SEL1L3: variants seen among roughly 807,000 people sequenced by gnomAD.
SEL1L3 encodes protein sel-1 homolog 3.
In SEL1L3, 76 loss-of-function variants were observed where a neutral mutation model predicts 142.8. The observed-to-expected ratio is 0.53, with a 90% confidence interval of 0.44 to 0.64. The LOEUF (loss-of-function observed/expected upper bound fraction) is 0.64. Ranked by LOEUF, SEL1L3 falls within the 30% of genes least tolerant of loss-of-function variation. The pLI is 0.00. For synonymous variants in SEL1L3, 504 were observed against 519.6 expected, an observed-to-expected ratio of 0.97 and a Z score of 0.41; for missense variants, 1,262 against 1,381.7, an observed-to-expected ratio of 0.91 and a Z score of 1.37.
At position 25,748,319 on chromosome 4, in the gene SEL1L3, G is replaced by C. The variant is rs1035045807; in HGVS notation, c.*106C>G. 3.4e-5 allele frequency: 41 copies of C among 1,215,100 alleles called. No individual in the cohort carries two copies. The Admixed American group carries it at 1.0e-3, about 30-fold the overall frequency. 75.3% of individuals were successfully genotyped at this position (1,215,100 alleles called of 1,614,324 possible). Reference sequence around the variant, plus strand: ...CCAATTGCAAAATTTGCATCCAGTTGACAAGACATTTAAGGTGTTTATCAG... The same window carrying C: ...CCAATTGCAAAATTTGCATCCAGTTCACAAGACATTTAAGGTGTTTATCAG... On this transcript the variant is annotated 3_prime_UTR_variant, in exon 24 of 24. Coordinates refer to ENST00000399878, the MANE Select transcript of SEL1L3 (RefSeq NM_015187.5).
At chr4:25,766,085 G>C (rs1055807539) in intron 19 of SEL1L3, among the ~76,000 whole-genome samples, 3 of 152,114 alleles carry the variant, frequency 2.0e-5, no homozygotes, top group Non-Finnish European at 2.9e-5. Context: ...TCTGTTTTTG[G>C]TAACTCTTTG....
chr4:25,832,351 C>T (rs903108996), intron 5 of SEL1L3, among the ~76,000 whole-genome samples: 1 of 152,148 alleles, frequency 6.6e-6, no homozygotes, highest in Non-Finnish European at 1.5e-5. Flanking sequence ...AGGTGGCAAA[C>T]CCACACTGTG....
chr4:25,781,249 C>CAT (rs1438396181), intron 15 of SEL1L3, among the ~76,000 whole-genome samples: 1 of 152,142 alleles, frequency 6.6e-6, no homozygotes, highest in African/African-American at 2.4e-5. Context: ...ATGAAAGCTT[C>CAT]ATAAGATCAG....
rs1043532737 is a variant in SEL1L3, at chr4:25,835,471, T to C, written c.734-148A>G. On this transcript the variant is annotated intron_variant, in intron 2 of 23. Transcript: ENST00000399878. The stretch of plus-strand genomic sequence containing the variant: ...TATTAGCAAACATCTGTTGAATAAA[T>C]GCCAAGCACCATGCTAAGCACTTTA... The C allele has an allele frequency of 5.5e-5, 46 of 832,122 alleles. No homozygotes were observed. The African/African-American group carries it at 7.0e-4, about 13-fold the overall frequency. 51.5% of individuals were successfully genotyped at this position (832,122 alleles called of 1,614,324 possible).
At chr4:25,863,265 T>G, upstream of SEL1L3, among the ~76,000 whole-genome samples, 1 of 60,424 alleles carries the variant, frequency 1.7e-5, no homozygotes, top group South Asian at 6.9e-4. Flanking sequence ...CCCGCCCCCC[T>G]TCCGCGCTCC....
At chr4:25,839,272 A>C (rs1716022731) in intron 2 of SEL1L3, among the ~76,000 whole-genome samples, 1 of 152,224 alleles carries the variant, frequency 6.6e-6, no homozygotes, top group African/African-American at 2.4e-5. Context: ...TAGGCAGTGA[A>C]GCAGGTTCCT....
intron 15 of SEL1L3, 26 bp from the exon 16 acceptor site, chr4:25,779,229 G>A (rs749397110): frequency 5.6e-6 from 9 of 1,609,894 alleles, no homozygotes; most frequent in Non-Finnish European, 5.9e-6. Flanking sequence ...AACAAACATC[G>A]AGTCATCCTA....
chr4:25,742,091 C>A, the SEL1L3 span, among the ~76,000 whole-genome samples: 2 of 152,072 alleles, frequency 1.3e-5, no homozygotes, highest in East Asian at 3.9e-4. Context: ...GGATTACAAG[C>A]GTGAGCCACC....
intron 15 of SEL1L3, among the ~76,000 whole-genome samples, chr4:25,779,819 T>C (rs1238597497): frequency 6.6e-6 from 1 of 152,212 alleles, no homozygotes; most frequent in Non-Finnish European, 1.5e-5. Flanking sequence ...TTTGAAAGCA[T>C]GGGTGTTGAA....
intron 16 of SEL1L3, chr4:25,776,669 G>C (rs1719654810): frequency 4.5e-6 from 1 of 221,886 alleles, no homozygotes; most frequent in Non-Finnish European, 9.0e-6. Context: ...ACTCTATTAA[G>C]TCATGTTTAC....
chr4:25,847,358 C>G lies in SEL1L3; in HGVS notation c.669G>C (p.Glu223Asp), dbSNP rs758850413. Reference sequence around the variant, plus strand: ...GGTTCCAAATATAACCCATGTTCCACTCAAGGCACACTTGATGATCTTTGA... The same window carrying G: ...GGTTCCAAATATAACCCATGTTCCAGTCAAGGCACACTTGATGATCTTTGA... ...RPFKDHQVCL[E>D]WNMGYIWNLR... is the part of the protein sequence containing the mutation. The change falls in exon 2 of 24, where the codon GAG becomes GAC. Residue 223 changes from glutamate to aspartate, a missense_variant. Coordinates refer to ENST00000399878, the MANE Select transcript of SEL1L3 (RefSeq NM_015187.5). 1 of 1,613,990 alleles carries G rather than the reference C, an allele frequency of 6.2e-7. No homozygotes were observed. Among genetic ancestry groups the G allele is most frequent in the East Asian group, 2.2e-5 (1 of 44,884 alleles).
the SEL1L3 span, among the ~76,000 whole-genome samples, chr4:25,716,355 T>C: frequency 6.6e-6 from 1 of 152,142 alleles, no homozygotes; most frequent in Non-Finnish European, 1.5e-5. Context: ...TTCTGACACA[T>C]TCAAGTATTG....
At chr4:25,816,726 T>C (rs752514169) in intron 9 of SEL1L3, among the ~76,000 whole-genome samples, 3 of 152,104 alleles carry the variant, frequency 2.0e-5, no homozygotes, top group Non-Finnish European at 4.4e-5. Context: ...CAGGATGGTG[T>C]CTGAGCTCTC....
chr4:25,744,106 T>TC (rs370265379), downstream of SEL1L3, among the ~76,000 whole-genome samples: 135 of 152,200 alleles, frequency 8.9e-4, no homozygotes, highest in African/African-American at 3.1e-3. Context: ...TGTCAGCATT[T>TC]CCCAACCTCA....
intron 11 of SEL1L3, among the ~76,000 whole-genome samples, chr4:25,792,478 G>A (rs1712414698): frequency 6.6e-6 from 1 of 152,216 alleles, no homozygotes; most frequent in African/African-American, 2.4e-5. Flanking sequence ...AGTGTGTATG[G>A]AGGGCAACCC....
rs747964080 is a variant in SEL1L3 at position 25,767,570 on chromosome 4, T to G, written c.2800A>C (p.Arg934=). The change falls in exon 19 of 24, where the codon AGA becomes CGA. Residue 934 remains arginine, a synonymous_variant. Coordinates refer to ENST00000399878, the MANE Select transcript of SEL1L3 (RefSeq NM_015187.5). Reference sequence around the variant, plus strand: ...TGAAAAACAGAGAAATTATAGTATCTCCAAACACAGTTAACACCCAAGTAT... The same window carrying G: ...TGAAAAACAGAGAAATTATAGTATCGCCAAACACAGTTAACACCCAAGTAT... ...RRYLGVNCVW[R]YYNFSVFQID... 195 of 1,602,190 alleles carry G rather than the reference T, an allele frequency of 1.2e-4. No individual in the cohort carries two copies. Among genetic ancestry groups the G allele is most frequent in the Non-Finnish European group, 1.5e-4 (174 of 1,172,426 alleles).
Position 25,808,395 on chromosome 4 carries a change from T to C in SEL1L3, c.1565-3643A>G, listed in dbSNP as rs114472938. On this transcript the variant is annotated intron_variant, in intron 9 of 23. Coordinates refer to ENST00000399878, the MANE Select transcript of SEL1L3 (RefSeq NM_015187.5). Reference sequence around the variant, plus strand: ...TTTCCCCTTTTTCACAGTAATATCATAAGGTCACCGTTTGTGTGCTCATCT... The same window carrying C: ...TTTCCCCTTTTTCACAGTAATATCACAAGGTCACCGTTTGTGTGCTCATCT... Among the ~76,000 whole-genome samples the C allele has an allele frequency of 4.4e-3, 677 of 152,242 alleles. 4 individuals carry two copies. The highest frequency in any genetic ancestry group is 0.016 in the African/African-American group (645 of 41,534).
chr4:25,846,912 CAAAAAAAAAA>C (rs71184268), intron 2 of SEL1L3, among the ~76,000 whole-genome samples: 3 of 71,822 alleles, frequency 4.2e-5, no homozygotes, highest in African/African-American at 5.8e-5. Flanking sequence ...GACTCCATCT[CAAAAAAAAAA>C]AAAAAAAAAA....
At chr4:25,803,435 C>T (rs73115721) in intron 10 of SEL1L3, among the ~76,000 whole-genome samples, 73 of 152,344 alleles carry the variant, frequency 4.8e-4, no homozygotes, top group African/African-American at 1.6e-3. Context: ...CCTCCCCAAA[C>T]CACGCATACA....
Sources: allele counts gnomAD v4.1 joint callset (sites outside exome capture counted in the v4.1 genomes callset), GRCh38; gene constraint gnomAD v4.1.1; transcripts MANE v1.5; gene names NCBI Gene and HGNC (gene_info 2026-07-23, HGNC 2026-07-21).